Variants in TNFRSF21 observed in about 807,000 individuals in gnomAD.
TNFRSF21 encodes the protein tumor necrosis factor receptor superfamily member 21.
In TNFRSF21, 19 loss-of-function variants were observed where a neutral mutation model predicts 45.6. That is an observed-to-expected ratio of 0.42 (90% confidence interval 0.29 to 0.61). The LOEUF is 0.61. Ranked by LOEUF, TNFRSF21 falls within the 20% of genes least tolerant of loss-of-function variation. TNFRSF21 has a pLI of 0.23. For missense variants in TNFRSF21, 737 were observed against 851.5 expected, an observed-to-expected ratio of 0.87 and a Z score of 1.67; for synonymous variants, 314 against 335.5, an observed-to-expected ratio of 0.94 and a Z score of 0.70.
intron 3 of TNFRSF21, among the ~76,000 whole-genome samples, chr6:47,264,969 C>G (rs1032524404): frequency 1.3e-5 from 2 of 152,210 alleles, no homozygotes; most frequent in African/African-American, 4.8e-5. Flanking sequence ...CATAGGAAAT[C>G]TGGGCTGACA....
intron 1 of TNFRSF21, among the ~76,000 whole-genome samples, chr6:47,291,651 T>C (rs1003217586): frequency 3.3e-5 from 5 of 152,194 alleles, no homozygotes; most frequent in African/African-American, 1.2e-4. Context: ...GGAGGTAGGC[T>C]CCAAGCCCCC....
At chr6:47,266,018 A>C (rs768629025) in intron 3 of TNFRSF21, among the ~76,000 whole-genome samples, 1 of 152,216 alleles carries the variant, frequency 6.6e-6, no homozygotes, top group Non-Finnish European at 1.5e-5. Flanking sequence ...TATTGTTCAA[A>C]TATATCCACA....
At position 47,232,846 on chromosome 6, in the gene TNFRSF21, G is replaced by A. The variant is rs777137969; in HGVS notation, c.1887C>T (p.Phe629=). The change falls in exon 6 of 6, where the codon TTC becomes TTT. Residue 629 remains phenylalanine, a synonymous_variant. Transcript: ENST00000296861. ...PQAEDKLDRL[F]EIIGVKSQEA... ...CCTGGCTCTTGACTCCAATAATTTCGAATAGCCGGTCTAGTTTGTCCTCAG... is the reference window on the plus strand; with the variant it reads ...CCTGGCTCTTGACTCCAATAATTTCAAATAGCCGGTCTAGTTTGTCCTCAG... The A allele has an allele frequency of 2.5e-5, 40 of 1,613,972 alleles. No homozygotes were observed. Among genetic ancestry groups the A allele is most frequent in the Non-Finnish European group, 3.0e-5 (35 of 1,180,028 alleles).
chr6:47,287,868 T>C (rs1053109292), intron 1 of TNFRSF21, among the ~76,000 whole-genome samples: 9 of 152,220 alleles, frequency 5.9e-5, no homozygotes, highest in African/African-American at 1.2e-4. Flanking sequence ...TACTCCAGAA[T>C]GGCTAAAGTT....
chr6:47,248,769 G>T lies in TNFRSF21; in HGVS notation c.1509+4487C>A, dbSNP rs188266024. Among the ~76,000 whole-genome samples, 436 of 152,290 alleles carry T rather than the reference G, an allele frequency of 2.9e-3. 3 individuals are homozygous for T. Among genetic ancestry groups the T allele is most frequent in the African/African-American group, 9.3e-3 (388 of 41,556 alleles). Reference sequence around the variant, plus strand: ...TGAACATCCCCACCCAACACTAAGTGACCCTCAGTATTCAGCATCTAAAAG... The same window carrying T: ...TGAACATCCCCACCCAACACTAAGTTACCCTCAGTATTCAGCATCTAAAAG... On this transcript the variant is annotated intron_variant, in intron 4 of 5. Transcript: ENST00000296861.
chr6:47,269,376 G>A (rs1299072697), intron 3 of TNFRSF21, among the ~76,000 whole-genome samples: 1 of 152,146 alleles, frequency 6.6e-6, no homozygotes, highest in Non-Finnish European at 1.5e-5. Flanking sequence ...ACAGTGCCTT[G>A]AACATGGTGT....
chr6:47,281,594 G>A (rs1172991825), intron 3 of TNFRSF21, among the ~76,000 whole-genome samples: 2 of 151,958 alleles, frequency 1.3e-5, no homozygotes, highest in African/African-American at 2.4e-5. Context: ...TTGGCCAGGC[G>A]GGTCTCAAAC....
At chr6:47,302,767 G>A (rs1762888572) in intron 1 of TNFRSF21, among the ~76,000 whole-genome samples, 1 of 152,146 alleles carries the variant, frequency 6.6e-6, no homozygotes, top group African/African-American at 2.4e-5. Context: ...GGTAAATTAA[G>A]GTGACCTCTC....
In TNFRSF21 at chr6:47,285,967, G is replaced by A. The variant is rs143637698; in HGVS notation, c.725C>T (p.Pro242Leu). Residue 242 changes from proline (P) to leucine (L), a missense_variant, in exon 2 of 6, where the codon CCT (proline) becomes CTT (leucine). Physicochemically the swap from Pro to Leu is moderately conservative, Grantham distance 98. Coordinates refer to ENST00000296861, the MANE Select transcript of TNFRSF21 (RefSeq NM_014452.5). The part of the protein sequence containing the change: ...RPEHMETHEV[P>L]SSTYVPKGMN... Reference sequence around the variant, plus strand: ...ACCTTTGGGAACATAAGTGGAGGAAGGGACTTCATGGGTTTCCATGTGCTC... The same window carrying A: ...ACCTTTGGGAACATAAGTGGAGGAAAGGACTTCATGGGTTTCCATGTGCTC... 6.2e-7 allele frequency: 1 copy of A among 1,614,174 alleles called. No homozygotes were observed. The highest frequency in any genetic ancestry group is 1.7e-5 in the Admixed American group (1 of 60,030).
rs746855922 is a variant in TNFRSF21 at position 47,259,831 on chromosome 6, GGAT to G, written c.1244-6313_1244-6311del. Among the ~76,000 whole-genome samples the G allele has an allele frequency of 2.0e-5, 3 of 152,302 alleles. No individual in the cohort carries two copies. The East Asian group carries it at 5.8e-4, about 29-fold the overall frequency. On this transcript the variant is annotated intron_variant, in intron 3 of 5. Coordinates refer to ENST00000296861, the MANE Select transcript of TNFRSF21 (RefSeq NM_014452.5). Reference sequence around the variant, plus strand: ...CCCTGGCCCCTGGAGAAAAGCATGAGGATGGGAAGGATCAGGTAGTGGGAAGAT... The same window carrying G: ...CCCTGGCCCCTGGAGAAAAGCATGAGGGGAAGGATCAGGTAGTGGGAAGAT...
At position 47,232,657 on chromosome 6, in the gene TNFRSF21, A is replaced by ACACACACACACACACC; in HGVS notation, c.*107_*108insGGTGTGTGTGTGTGTG. 1.1e-6 allele frequency: 1 copy of ACACACACACACACACC among 877,800 alleles called. No individual in the cohort carries two copies. The highest frequency in any genetic ancestry group is 1.8e-6 in the Non-Finnish European group (1 of 564,670). The allele number at this position is 877,800 out of a possible 1,614,324, so 54.4% of individuals were successfully genotyped here. On this transcript the variant is annotated 3_prime_UTR_variant, in exon 6 of 6. Coordinates refer to ENST00000296861, the MANE Select transcript of TNFRSF21 (RefSeq NM_014452.5). The stretch of plus-strand genomic sequence containing the variant: ...CACACACACACACACACACACACAC[A>ACACACACACACACACC]CAAACACACACACACACCCCAAACA...
At chr6:47,272,521 T>C (rs1052000465) in intron 3 of TNFRSF21, among the ~76,000 whole-genome samples, 1 of 152,112 alleles carries the variant, frequency 6.6e-6, no homozygotes, top group Non-Finnish European at 1.5e-5. Flanking sequence ...AAGCAGTGTG[T>C]AGAGGGAAAT....
At chr6:47,274,878 A>G (rs1762475043) in intron 3 of TNFRSF21, among the ~76,000 whole-genome samples, 1 of 152,252 alleles carries the variant, frequency 6.6e-6, no homozygotes, top group Admixed American at 6.5e-5. Context: ...GCCAACAGAC[A>G]CATGAAAAAA....
intron 1 of TNFRSF21, among the ~76,000 whole-genome samples, chr6:47,289,100 G>C (rs1036920866): frequency 6.6e-6 from 1 of 152,232 alleles, no homozygotes; most frequent in Non-Finnish European, 1.5e-5. Context: ...ATATTGAAAA[G>C]TTCCAACAGT....
rs55690288 is a variant in TNFRSF21, at chr6:47,297,510, C to CTT, written c.97-10917_97-10916dup. Reference sequence around the variant, plus strand: ...TGATGGAAAATCCTTTCTCTTTTTACTTTTTTTTTTTTTTTTTTTTTGAGT... The same window carrying CTT: ...TGATGGAAAATCCTTTCTCTTTTTACTTTTTTTTTTTTTTTTTTTTTTTGAGT... On this transcript the variant is annotated intron_variant, in intron 1 of 5. Transcript: ENST00000296861. Among the ~76,000 whole-genome samples, 456 of 117,450 alleles carry CTT rather than the reference C, an allele frequency of 3.9e-3. 6 individuals carry two copies. The highest frequency in any genetic ancestry group is 9.8e-3 in the Admixed American group (101 of 10,258). 77.1% of individuals were successfully genotyped at this position (117,450 alleles called of 152,430 possible). A position where few individuals can be genotyped will look rare whatever the true frequency, so the allele number is the denominator to read the frequency against.
At chr6:47,268,817 C>A (rs572455781) in intron 3 of TNFRSF21, among the ~76,000 whole-genome samples, 1 of 152,282 alleles carries the variant, frequency 6.6e-6, no homozygotes, top group African/African-American at 2.4e-5. Context: ...TACCCTATGC[C>A]CCTGATAAGG....
intron 4 of TNFRSF21, among the ~76,000 whole-genome samples, chr6:47,243,703 C>A (rs1363168206): frequency 6.6e-6 from 1 of 152,098 alleles, no homozygotes; most frequent in African/African-American, 2.4e-5. Context: ...TAGGTGTGAG[C>A]CACTGTGCCC....
chr6:47,253,103 G>GGT lies in TNFRSF21; in HGVS notation c.1509+151_1509+152dup, dbSNP rs369860041. ...TGAGAACCCCCGTCCTAGAAGGTAGGGTGTGTGTGTGTGTGTGCAGGCGTA... is the reference window on the plus strand; with the variant it reads ...TGAGAACCCCCGTCCTAGAAGGTAGGGTGTGTGTGTGTGTGTGTGCAGGCGTA... On this transcript the variant is annotated intron_variant, in intron 4 of 5. Transcript: ENST00000296861. Among the ~76,000 whole-genome samples the GGT allele has an allele frequency of 3.8e-3, 562 of 149,216 alleles. 3 individuals carry two copies. The highest frequency in any genetic ancestry group is 0.023 in the South Asian group (105 of 4,644).
At chr6:47,304,281 A>G (rs1582365426) in intron 1 of TNFRSF21, among the ~76,000 whole-genome samples, 1 of 122,116 alleles carries the variant, frequency 8.2e-6, no homozygotes, top group Admixed American at 8.9e-5. Flanking sequence ...ATTTCGTGTC[A>G]CCAAAAAAAA....
Sources: allele counts gnomAD v4.1 joint callset (sites outside exome capture counted in the v4.1 genomes callset), GRCh38; gene constraint gnomAD v4.1.1; transcripts MANE v1.5; gene names NCBI Gene and HGNC (gene_info 2026-07-23, HGNC 2026-07-21).